TMTC1: variants seen among roughly 807,000 people sequenced by gnomAD.
The protein encoded by TMTC1 is transmembrane O-mannosyltransferase targeting cadherins 1.
A neutral mutation model predicts 104.8 loss-of-function variants in TMTC1; 73 were observed. The ratio of observed to expected loss-of-function variants is 0.70; its 90% CI spans 0.58 to 0.85. The LOEUF is 0.85. Ranked by LOEUF, TMTC1 falls within the 40% of genes least tolerant of loss-of-function variation. TMTC1 has a pLI of 0.00. For synonymous variants in TMTC1, 434 were observed against 428.7 expected (o/e 1.01, Z -0.15); for missense variants, 1,035 against 1,096.1 (o/e 0.94, Z 0.79).
At chr12:29,698,500 T>C (rs964760445) in intron 5 of TMTC1, among the ~76,000 whole-genome samples, 3 of 152,218 alleles carry the variant, frequency 2.0e-5, no homozygotes, top group African/African-American at 7.2e-5. Flanking sequence ...ACCTAGTGTA[T>C]GTGTCCCATC....
At chr12:29,619,996 A>T (rs1192820551) in intron 6 of TMTC1, among the ~76,000 whole-genome samples, 1 of 152,216 alleles carries the variant, frequency 6.6e-6, no homozygotes, top group Non-Finnish European at 1.5e-5. Flanking sequence ...AATATCAAAC[A>T]TAGATTCTGG....
chr12:29,601,182 A>C (rs159710), intron 7 of TMTC1, among the ~76,000 whole-genome samples: 134,626 of 152,250 alleles, frequency 0.88, 59,609 homozygotes, highest in East Asian at 0.97. Context: ...ATATGGCAGC[A>C]TGGGAAAAGC....
intron 5 of TMTC1, among the ~76,000 whole-genome samples, chr12:29,694,757 T>C (rs1941365932): frequency 6.6e-6 from 1 of 152,086 alleles, no homozygotes; most frequent in Non-Finnish European, 1.5e-5. Flanking sequence ...CTGGCCAACA[T>C]GGTGAAACAC....
intron 5 of TMTC1, among the ~76,000 whole-genome samples, chr12:29,641,697 C>G (rs570947895): frequency 6.6e-6 from 1 of 152,056 alleles, no homozygotes; most frequent in African/African-American, 2.4e-5. Flanking sequence ...AATACCCCCC[C>G]AAAAAAATCA....
intron 11 of TMTC1, among the ~76,000 whole-genome samples, chr12:29,527,697 A>G (rs1028868361): frequency 6.6e-6 from 1 of 152,242 alleles, no homozygotes; most frequent in Non-Finnish European, 1.5e-5. Context: ...TTACACCACT[A>G]TTAACCACAG....
chr12:29,720,010 G>C (rs1942192524), intron 5 of TMTC1, among the ~76,000 whole-genome samples: 1 of 152,130 alleles, frequency 6.6e-6, no homozygotes, highest in African/African-American at 2.4e-5. Flanking sequence ...AACCAGGGTT[G>C]CATGTCTTAA....
intron 6 of TMTC1, among the ~76,000 whole-genome samples, chr12:29,629,505 G>A (rs1938186833): frequency 6.6e-6 from 1 of 152,170 alleles, no homozygotes; most frequent in East Asian, 1.9e-4. Context: ...ACCTCCTGAG[G>A]CTGTGTCACA....
At chr12:29,705,975 C>T (rs1196836419) in intron 5 of TMTC1, among the ~76,000 whole-genome samples, 1 of 152,094 alleles carries the variant, frequency 6.6e-6, no homozygotes, top group African/African-American at 2.4e-5. Flanking sequence ...CTATAAAAAG[C>T]TATTTAAAGC....
At position 29,578,331 on chromosome 12, in the gene TMTC1, T is replaced by A. The variant is rs77254861; in HGVS notation, c.1418+5076A>T. ...GGCTCTCATTTCACAATGAACAGTT[T>A]GTGAAAAAAAGGAAAATAACAAGCC... On this transcript the variant is annotated intron_variant, in intron 8 of 17. Transcript: ENST00000539277. 5.6e-4 allele frequency among the ~76,000 whole-genome samples: 85 copies of A among 152,218 alleles called. No individual in the cohort carries two copies. The East Asian group carries it at 0.013, about 24-fold the overall frequency.
chr12:29,732,686 CTG>C (rs1942576394), intron 5 of TMTC1, among the ~76,000 whole-genome samples: 1 of 152,114 alleles, frequency 6.6e-6, no homozygotes, highest in Admixed American at 6.6e-5. Flanking sequence ...AAATTACAGT[CTG>C]CCCTATTATT....
chr12:29,650,069 C>G (rs1385641067), intron 5 of TMTC1, among the ~76,000 whole-genome samples: 3 of 151,296 alleles, frequency 2.0e-5, no homozygotes, highest in African/African-American at 7.3e-5. Flanking sequence ...TTAACTTTCT[C>G]TTTTTTTCTT....
In TMTC1 at chr12:29,537,167, T is replaced by C. The variant is rs1321663356; in HGVS notation, c.1677-850A>G. On this transcript the variant is annotated intron_variant, in intron 10 of 17. Coordinates refer to ENST00000539277, the MANE Select transcript of TMTC1 (RefSeq NM_001193451.2). The stretch of plus-strand genomic sequence containing the variant: ...CTAGTCTCTTGTTAAGTGCTAGACA[T>C]TGTAATTGTGCAATGAAAAAGAGAA... Among the ~76,000 whole-genome samples the C allele has an allele frequency of 3.9e-5, 6 of 152,344 alleles. No individual in the cohort carries two copies. In the South Asian group the frequency reaches 6.2e-4, roughly 16 times the overall value.
intron 6 of TMTC1, among the ~76,000 whole-genome samples, chr12:29,632,851 T>C (rs1302764104): frequency 6.6e-6 from 1 of 152,212 alleles, no homozygotes; most frequent in Non-Finnish European, 1.5e-5. Context: ...ATAGGTTATT[T>C]ACCACAATTT....
intron 9 of TMTC1, among the ~76,000 whole-genome samples, chr12:29,566,303 C>CA (rs1161330246): frequency 1.3e-5 from 2 of 152,060 alleles, no homozygotes; most frequent in Non-Finnish European, 2.9e-5. Flanking sequence ...TGTCTGGAGC[C>CA]AAGTAAGCAA....
At chr12:29,713,011 T>C (rs1435205707) in intron 5 of TMTC1, among the ~76,000 whole-genome samples, 1 of 152,034 alleles carries the variant, frequency 6.6e-6, no homozygotes, top group East Asian at 1.9e-4. Flanking sequence ...TTTAGATCAG[T>C]AGATGGAGTG....
At chr12:29,510,263 T>G (rs527691284) in intron 17 of TMTC1, among the ~76,000 whole-genome samples, 1 of 152,264 alleles carries the variant, frequency 6.6e-6, no homozygotes, top group South Asian at 2.1e-4. Flanking sequence ...TTTGTGTATC[T>G]AGACATACTG....
chr12:29,600,520 A>G (rs1184816602), intron 7 of TMTC1, among the ~76,000 whole-genome samples: 1 of 152,206 alleles, frequency 6.6e-6, no homozygotes, highest in African/African-American at 2.4e-5. Flanking sequence ...TCCAGGGCCA[A>G]AAGGAACATA....
At chr12:29,735,015 A>G (rs1016144941) in intron 5 of TMTC1, among the ~76,000 whole-genome samples, 1 of 152,230 alleles carries the variant, frequency 6.6e-6, no homozygotes, top group African/African-American at 2.4e-5. Flanking sequence ...ATATCTAACC[A>G]TTAAACAACT....
intron 5 of TMTC1, among the ~76,000 whole-genome samples, chr12:29,688,956 G>C (rs1941180218): frequency 6.6e-6 from 1 of 152,106 alleles, no homozygotes; most frequent in Non-Finnish European, 1.5e-5. Context: ...AAAAGTGTCA[G>C]GTGGGCCAAC....
Sources: gnomAD v4.1 joint callset for allele counts (sites outside exome capture counted in the v4.1 genomes callset) on GRCh38, gnomAD v4.1.1 for gene constraint, MANE v1.5 for transcripts, NCBI Gene and HGNC (gene_info 2026-07-23, HGNC 2026-07-21) for gene names.